The following MAN1C1 variants were observed in gnomAD, a reference collection of about 807,000 sequenced individuals.
MAN1C1 encodes the protein mannosyl-oligosaccharide 1,2-alpha-mannosidase IC.
Under a neutral mutation model 71.5 loss-of-function variants are expected in MAN1C1, and 49 were observed. The observed-to-expected ratio is 0.69, with a 90% CI of 0.54 to 0.87. MAN1C1 has a LOEUF of 0.87. Ranked by LOEUF, MAN1C1 falls within the 40% of genes least tolerant of loss-of-function variation. The pLI is 0.00. For synonymous variants in MAN1C1, 352 were observed against 343.7 expected (o/e 1.02, Z -0.27); for missense variants, 743 against 835.0 (o/e 0.89, Z 1.36).
intron 5 of MAN1C1, among the ~76,000 whole-genome samples, chr1:25,755,760 C>T (rs1399175214): frequency 6.6e-6 from 1 of 152,194 alleles, no homozygotes; most frequent in Non-Finnish European, 1.5e-5. Flanking sequence ...CATGAGTGTA[C>T]CTGCCTAGAA....
intron 2 of MAN1C1, among the ~76,000 whole-genome samples, chr1:25,737,812 C>G (rs756660902): frequency 6.6e-6 from 1 of 152,028 alleles, no homozygotes; most frequent in Non-Finnish European, 1.5e-5. Context: ...AGGTGTTTAC[C>G]GAGCCATCTC....
At chr1:25,678,078 A>G (rs2046094822) in intron 1 of MAN1C1, among the ~76,000 whole-genome samples, 1 of 152,052 alleles carries the variant, frequency 6.6e-6, no homozygotes. Flanking sequence ...AGAAATCACT[A>G]AACTTCTATC....
At chr1:25,623,992 T>C (rs1055277855) in intron 1 of MAN1C1, among the ~76,000 whole-genome samples, 7 of 152,198 alleles carry the variant, frequency 4.6e-5, no homozygotes, top group African/African-American at 1.7e-4. Context: ...GCACCTGCAG[T>C]CCAAAAAGAC....
chr1:25,682,866 C>T (rs1557763547), intron 1 of MAN1C1, among the ~76,000 whole-genome samples: 1 of 152,166 alleles, frequency 6.6e-6, no homozygotes, highest in East Asian at 1.9e-4. Context: ...GGTGAAACCT[C>T]ATCTCTACTA....
chr1:25,700,593 C>T (rs1242086256), intron 2 of MAN1C1, among the ~76,000 whole-genome samples: 2 of 152,268 alleles, frequency 1.3e-5, no homozygotes, highest in East Asian at 1.9e-4. Context: ...GACATGATGC[C>T]GGCCTAAGGA....
chr1:25,682,335 C>T (rs1248244359), intron 1 of MAN1C1, among the ~76,000 whole-genome samples: 4 of 152,166 alleles, frequency 2.6e-5, no homozygotes, highest in Non-Finnish European at 5.9e-5. Flanking sequence ...GAGATCCTTA[C>T]AGCATGGAAT....
intron 2 of MAN1C1, among the ~76,000 whole-genome samples, chr1:25,689,987 G>A (rs2046285586): frequency 6.6e-6 from 1 of 152,186 alleles, no homozygotes; most frequent in African/African-American, 2.4e-5. Flanking sequence ...TGCAGCGAGG[G>A]CAGTCGGATG....
rs1194766331 is a variant in MAN1C1, at chr1:25,753,395, G to T, written c.835-89G>T. 7.5e-6 allele frequency: 7 copies of T among 927,954 alleles called. No homozygotes were observed. In the South Asian group the frequency reaches 1.0e-4, roughly 13 times the overall value. The allele number at this position is 927,954 out of a possible 1,614,324, so 57.5% of individuals were successfully genotyped here. ...CCCCCTACTCTAGACCTGCAGCCCTGGGGGGTTCATCCTGCCTGCAGCAGT... is the reference window on the plus strand; with the variant it reads ...CCCCCTACTCTAGACCTGCAGCCCTTGGGGGTTCATCCTGCCTGCAGCAGT... On this transcript the variant is annotated intron_variant, in intron 4 of 11. Transcript: ENST00000374332. This position sits in a 1 kb window ranked among gnomAD's most constrained non-coding sequence, Gnocchi z 4.9.
intron 2 of MAN1C1, among the ~76,000 whole-genome samples, chr1:25,706,529 G>A (rs1237614324): frequency 2.0e-5 from 3 of 152,150 alleles, no homozygotes; most frequent in African/African-American, 7.2e-5. Context: ...TGGCGGGGGG[G>A]AATCCTTGCA....
intron 1 of MAN1C1, among the ~76,000 whole-genome samples, chr1:25,673,089 A>G (rs1210336343): frequency 6.6e-6 from 1 of 152,176 alleles, no homozygotes; most frequent in African/African-American, 2.4e-5. Flanking sequence ...TGTCATCGCC[A>G]GAAATCCTGT....
At chr1:25,670,055 G>A (rs2045973500) in intron 1 of MAN1C1, among the ~76,000 whole-genome samples, 1 of 152,194 alleles carries the variant, frequency 6.6e-6, no homozygotes, top group South Asian at 2.1e-4. Flanking sequence ...CCCACAGCTG[G>A]TTTCTCCAGA....
chr1:25,728,946 G>T (rs1330881833), intron 2 of MAN1C1, among the ~76,000 whole-genome samples: 1 of 152,232 alleles, frequency 6.6e-6, no homozygotes, highest in Admixed American at 6.5e-5. Context: ...AGACCTGGAA[G>T]AAGACTCGCT....
chr1:25,629,780 G>T (rs1177789184), intron 1 of MAN1C1, among the ~76,000 whole-genome samples: 2 of 151,512 alleles, frequency 1.3e-5, no homozygotes, highest in Non-Finnish European at 2.9e-5. Flanking sequence ...GTGGTTTTTA[G>T]ACACTAGTTC....
At chr1:25,698,204 G>A (rs1298809158) in intron 2 of MAN1C1, among the ~76,000 whole-genome samples, 2 of 152,196 alleles carry the variant, frequency 1.3e-5, no homozygotes, top group Non-Finnish European at 2.9e-5. Flanking sequence ...TGGTGTGACA[G>A]GCTTAAGGTT....
chr1:25,677,532 A>G lies in MAN1C1; in HGVS notation c.541-8908A>G, dbSNP rs1203465656. Among the ~76,000 whole-genome samples, 3 of 152,054 alleles carry G rather than the reference A, an allele frequency of 2.0e-5. No individual in the cohort carries two copies. In the East Asian group the frequency reaches 5.8e-4, roughly 29 times the overall value. On this transcript the variant is annotated intron_variant, in intron 1 of 11. Coordinates refer to ENST00000374332, the MANE Select transcript of MAN1C1 (RefSeq NM_020379.4). ...ATAGTTCTCATGTTGATTGGTTCCG[A>G]CTGTCATGTTCTTGCACCTGTCCTG... is the stretch of plus-strand genomic sequence containing the variant.
At chr1:25,756,096 A>C (rs1424902567) in intron 5 of MAN1C1, among the ~76,000 whole-genome samples, 1 of 152,266 alleles carries the variant, frequency 6.6e-6, no homozygotes, top group Non-Finnish European at 1.5e-5. Flanking sequence ...GAACCACCAG[A>C]ACCACCTGGC....
chr1:25,624,534 A>G (rs1241532085), intron 1 of MAN1C1, among the ~76,000 whole-genome samples: 1 of 152,220 alleles, frequency 6.6e-6, no homozygotes, highest in South Asian at 2.1e-4. Context: ...ATTAAAGGCT[A>G]CAACCAGGGC....
chr1:25,766,403 C>A (rs1056281386), intron 7 of MAN1C1, among the ~76,000 whole-genome samples: 4 of 152,028 alleles, frequency 2.6e-5, no homozygotes, highest in Admixed American at 6.6e-5. Flanking sequence ...TACCACCTTG[C>A]ATAAGCTTAA....
At chr1:25,772,819 G>T (rs1211320556) in intron 8 of MAN1C1, among the ~76,000 whole-genome samples, 1 of 152,144 alleles carries the variant, frequency 6.6e-6, no homozygotes, top group Non-Finnish European at 1.5e-5. Context: ...CTGCCTCTCT[G>T]CTCTGTGCTC....
Sources: allele counts gnomAD v4.1 joint callset (sites outside exome capture counted in the v4.1 genomes callset), GRCh38; gene constraint gnomAD v4.1.1; non-coding constraint Gnocchi (gnomAD v3.1); transcripts MANE v1.5; gene names NCBI Gene and HGNC (gene_info 2026-07-23, HGNC 2026-07-21).